The following COL18A1 variants were observed in gnomAD, a reference collection of about 807,000 sequenced individuals.
COL18A1 encodes the protein collagen type XVIII alpha 1 chain, also known as collagen alpha-1(XVIII) chain.
In COL18A1, 133 loss-of-function variants were observed where a neutral mutation model predicts 168.0. That is an observed-to-expected ratio of 0.79 (90% confidence interval 0.69 to 0.91). COL18A1 has a LOEUF of 0.91. Ranked by LOEUF, COL18A1 falls within the 40% of genes least tolerant of loss-of-function variation. COL18A1 has a pLI of 0.00. For synonymous variants in COL18A1, 949 were observed against 809.0 expected (o/e 1.17, Z -2.94); for missense variants, 2,126 against 1,925.4 (o/e 1.10, Z -1.95).
chr21:45,468,617 A>C lies in COL18A1; in HGVS notation c.482A>C (p.Gln161Pro). The stretch of plus-strand genomic sequence containing the variant: ...TTCCGGCTCCCCGCCTTCGTCGGCC[A>C]GTGGACACACTTAGCCCTCAGTGTG... ...ASFRLPAFVG[Q>P]WTHLALSVAG... is the part of the protein sequence containing the mutation. The change falls in exon 3 of 42, where the codon CAG becomes CCG. Residue 161 changes from glutamine (Q) to proline (P), a missense_variant. By Grantham distance (76) the Gln-to-Pro change is moderately conservative. Coordinates refer to ENST00000651438, the MANE Select transcript of COL18A1 (RefSeq NM_001379500.1). 6.2e-7 allele frequency: 1 copy of C among 1,614,016 alleles called. No homozygotes were observed. Among genetic ancestry groups the C allele is most frequent in the Non-Finnish European group, 8.5e-7 (1 of 1,180,032 alleles).
In COL18A1 at chr21:45,405,489, G is replaced by A; in HGVS notation, c.106+16G>A. The A allele has an allele frequency of 7.4e-7, 1 of 1,344,704 alleles. No individual in the cohort carries two copies. Among genetic ancestry groups the A allele is most frequent in the South Asian group, 1.6e-5 (1 of 61,046 alleles). 83.3% of individuals were successfully genotyped at this position (1,344,704 alleles called of 1,614,324 possible). A position where few individuals can be genotyped will look rare whatever the true frequency, so the allele number is the denominator to read the frequency against. Reference sequence around the variant, plus strand: ...GCGGAGCCAGGTAAGACCCGGGCGGGACGGGAAGGTTCGCGCCGGTGCCCG... The same window carrying A: ...GCGGAGCCAGGTAAGACCCGGGCGGAACGGGAAGGTTCGCGCCGGTGCCCG... On this transcript the variant is annotated intron_variant, in intron 2 of 41. Transcript: ENST00000651438.
At chr21:45,472,846 T>C (rs1204147958) in intron 3 of COL18A1, among the ~76,000 whole-genome samples, 1 of 151,920 alleles carries the variant, frequency 6.6e-6, no homozygotes, top group Non-Finnish European at 1.5e-5. Flanking sequence ...CGTGATCTCA[T>C]GTTTGCACAC....
intron 2 of COL18A1, among the ~76,000 whole-genome samples, chr21:45,409,580 C>G (rs1298306357): frequency 6.6e-6 from 1 of 152,180 alleles, no homozygotes; most frequent in Non-Finnish European, 1.5e-5. Context: ...AGGGCCAGCA[C>G]TGGGCGGTCA....
rs537168871 is a variant in COL18A1, at chr21:45,452,676, CAT to C, written c.107-15565_107-15564del. On this transcript the variant is annotated intron_variant, in intron 2 of 41. Coordinates refer to ENST00000651438, the MANE Select transcript of COL18A1 (RefSeq NM_001379500.1). ...TGTGTATGCATGTATTCATGTGTGA[CAT>C]GTGTGAGCATGTATGTGAGTTTGTG... Among the ~76,000 whole-genome samples, 344 of 147,156 alleles carry C rather than the reference CAT, an allele frequency of 2.3e-3. 1 individual carries two copies. Among genetic ancestry groups the C allele is most frequent in the African/African-American group, 5.8e-3 (226 of 38,794 alleles).
At chr21:45,508,125 G>GGGTGGGTGGGTGGATGGAAA (rs1568948178) in intron 38 of COL18A1, among the ~76,000 whole-genome samples, 14 of 151,268 alleles carry the variant, frequency 9.3e-5, no homozygotes, top group Admixed American at 8.5e-4. Context: ...GTGAGTGGAC[G>GGGTGGGTGGGTGGATGGAAA]GGTGGGTGGG....
intron 2 of COL18A1, among the ~76,000 whole-genome samples, chr21:45,441,044 C>G (rs138710573): frequency 0.023 from 3,488 of 152,306 alleles, 57 homozygotes; most frequent in Middle Eastern, 0.061. Flanking sequence ...GGATGCAAAC[C>G]CCGGGGACAC....
chr21:45,477,306 C>T, intron 6 of COL18A1, 105 bp from the exon 7 acceptor site: 1 of 859,964 alleles, frequency 1.2e-6, no homozygotes, highest in Non-Finnish European at 1.9e-6. Context: ...CAGCCGGGCT[C>T]CAGGACTGAA....
In COL18A1 at chr21:45,480,692, A is replaced by C; in HGVS notation, c.1453-8A>C. 1 of 1,610,886 alleles carries C rather than the reference A, an allele frequency of 6.2e-7. No individual in the cohort carries two copies. The highest frequency in any genetic ancestry group is 2.2e-5 in the East Asian group (1 of 44,850). ...GGGCTGTGACTATCTGTGTTCGCCC[A>C]CGTCCAGGGTCCTCGAGGCTTCCCT... On this transcript the variant is annotated splice_polypyrimidine_tract_variant and splice_region_variant and intron_variant, in intron 12 of 41. Coordinates refer to ENST00000651438, the MANE Select transcript of COL18A1 (RefSeq NM_001379500.1).
rs1267490171 is a variant in COL18A1 at position 45,504,161 on chromosome 21, A to T, written c.2727+107A>T. 34 of 1,308,600 alleles carry T rather than the reference A, an allele frequency of 2.6e-5. No homozygotes were observed. In the East Asian group the frequency reaches 7.2e-4, roughly 28 times the overall value. 81.1% of individuals were successfully genotyped at this position (1,308,600 alleles called of 1,614,324 possible). Reference sequence around the variant, plus strand: ...TCCGGCCCAAGCCCCCTTCCTGTTCAGCCCTGCGAGGGGCGCTGGCTCCAG... The same window carrying T: ...TCCGGCCCAAGCCCCCTTCCTGTTCTGCCCTGCGAGGGGCGCTGGCTCCAG... On this transcript the variant is annotated intron_variant, in intron 33 of 41. Transcript: ENST00000651438.
intron 38 of COL18A1, 131 bp downstream of exon 38, chr21:45,507,724 C>T: frequency 2.3e-6 from 2 of 870,570 alleles, no homozygotes; most frequent in South Asian, 1.4e-5. Flanking sequence ...ACCATCAGCC[C>T]CTGCTGCAGA....
chr21:45,462,887 T>C (rs1285860556), intron 2 of COL18A1, among the ~76,000 whole-genome samples: 1 of 152,224 alleles, frequency 6.6e-6, no homozygotes, highest in Non-Finnish European at 1.5e-5. Context: ...TCACCAGCGT[T>C]CGCTTTTTTT....
chr21:45,461,009 C>T (rs755946674), intron 2 of COL18A1, among the ~76,000 whole-genome samples: 5 of 152,182 alleles, frequency 3.3e-5, no homozygotes, highest in African/African-American at 1.2e-4. Context: ...TTGTATATAT[C>T]TAAGGTCAAG....
At chr21:45,421,442 G>A (rs2033620535) in intron 2 of COL18A1, 1 of 534,454 alleles carries the variant, frequency 1.9e-6, no homozygotes, top group South Asian at 1.4e-5. Context: ...GGGCTGTGTT[G>A]CAGTGACAGC....
At position 45,405,567 on chromosome 21, in the gene COL18A1, C is replaced by G. The variant is rs913629811; in HGVS notation, c.106+94C>G. ...CCGCCCGGCTCCCTCACCCCCGCCCCGGCCGCTCTGGGTTCAGCCCCGGCC... is the reference window on the plus strand; with the variant it reads ...CCGCCCGGCTCCCTCACCCCCGCCCGGGCCGCTCTGGGTTCAGCCCCGGCC... On this transcript the variant is annotated intron_variant, in intron 2 of 41. Coordinates refer to ENST00000651438, the MANE Select transcript of COL18A1 (RefSeq NM_001379500.1). 4.0e-4 allele frequency: 307 copies of G among 776,350 alleles called. 1 individual carries two copies. The highest frequency in any genetic ancestry group is 2.4e-3 in the Middle Eastern group (5 of 2,110). 48.1% of individuals were successfully genotyped at this position (776,350 alleles called of 1,614,324 possible).
chr21:45,415,580 G>A (rs1012888753), intron 2 of COL18A1, among the ~76,000 whole-genome samples: 1 of 152,352 alleles, frequency 6.6e-6, no homozygotes. Context: ...CCAGCGTGGT[G>A]TGGAGTTGAG....
chr21:45,494,333 T>A, intron 26 of COL18A1: 16 of 575,400 alleles, frequency 2.8e-5, no homozygotes, highest in East Asian at 7.1e-5. Flanking sequence ...AACCCGACCC[T>A]CCCCTCACCA....
At chr21:45,439,474 C>T (rs2145811186) in intron 2 of COL18A1, among the ~76,000 whole-genome samples, 1 of 152,256 alleles carries the variant, frequency 6.6e-6, no homozygotes, top group Non-Finnish European at 1.5e-5. Flanking sequence ...ATCATAAAAA[C>T]GTCCGACGAA....
At chr21:45,468,886 A>AGAGCC in intron 3 of COL18A1, 100 bp downstream of exon 3, 3 of 1,258,692 alleles carry the variant, frequency 2.4e-6, no homozygotes, top group Middle Eastern at 5.6e-4. Flanking sequence ...CCGGAAGAGG[A>AGAGCC]GAGCCCCCAC....
At chr21:45,419,006 C>T (rs978625382) in intron 2 of COL18A1, among the ~76,000 whole-genome samples, 4 of 152,238 alleles carry the variant, frequency 2.6e-5, no homozygotes, top group Admixed American at 2.6e-4. Flanking sequence ...TGCAGGTCAG[C>T]TCTTCCCTGT....
Sources: allele counts gnomAD v4.1 joint callset (sites outside exome capture counted in the v4.1 genomes callset), GRCh38; gene constraint gnomAD v4.1.1; transcripts MANE v1.5; gene names NCBI Gene and HGNC (gene_info 2026-07-23, HGNC 2026-07-21).